The following SHANK2 variants were observed in gnomAD, a reference collection of about 807,000 sequenced individuals.
SHANK2 encodes the protein SH3 and multiple ankyrin repeat domains 2, also known as SH3 and multiple ankyrin repeat domains protein 2.
In SHANK2, 43 loss-of-function variants were observed where a neutral mutation model predicts 133.7. That is an observed-to-expected ratio of 0.32 (90% confidence interval 0.25 to 0.41). The LOEUF (loss-of-function observed/expected upper bound fraction) is 0.41. SHANK2 is among the 10% of genes least tolerant of loss of function. The pLI, the probability that SHANK2 is intolerant of heterozygous loss-of-function variation, is 1.00. For missense variants in SHANK2, 1,994 were observed against 2,235.8 expected, an observed-to-expected ratio of 0.89 and a Z score of 2.18; for synonymous variants, 1,017 against 952.8, an observed-to-expected ratio of 1.07 and a Z score of -1.24.
chr11:71,089,311 G>A (rs1362807977), intron 8 of SHANK2, among the ~76,000 whole-genome samples: 11 of 152,310 alleles, frequency 7.2e-5, no homozygotes, highest in Admixed American at 3.9e-4. Flanking sequence ...GCAGAGGAAC[G>A]GGGCCATGTC....
At chr11:71,213,827 G>A (rs1381390894) in intron 2 of SHANK2, among the ~76,000 whole-genome samples, 6 of 152,194 alleles carry the variant, frequency 3.9e-5, no homozygotes, top group Admixed American at 1.3e-4. Context: ...GTCTTAGGAC[G>A]TTTTGACATC....
At chr11:71,064,345 C>A (rs1416959260) in intron 9 of SHANK2, among the ~76,000 whole-genome samples, 1 of 152,126 alleles carries the variant, frequency 6.6e-6, no homozygotes, top group African/African-American at 2.4e-5. Context: ...AGCCTGGGGA[C>A]AGCTGGGCGG....
chr11:71,210,252 A>ATATATATATATG (rs1954242919), intron 2 of SHANK2, among the ~76,000 whole-genome samples: 1 of 99,128 alleles, frequency 1.0e-5, no homozygotes, highest in Admixed American at 1.0e-4. Flanking sequence ...ATATATATAT[A>ATATATATATATG]TTTATTTATT....
chr11:70,839,544 C>T (rs1254592976), intron 11 of SHANK2, among the ~76,000 whole-genome samples: 2 of 152,196 alleles, frequency 1.3e-5, no homozygotes, highest in Non-Finnish European at 2.9e-5. Context: ...CCTTCCTGTG[C>T]CACTGGGCTC....
At chr11:70,955,484 CATAT>C (rs1371972929) in intron 10 of SHANK2, among the ~76,000 whole-genome samples, 1 of 149,594 alleles carries the variant, frequency 6.7e-6, no homozygotes, top group Non-Finnish European at 1.5e-5. Context: ...CTTACAAATA[CATAT>C]ATATTTACAC....
rs187083785 is a variant in SHANK2 at position 70,854,139 on chromosome 11, T to C, written c.1175-33457A>G. ...AGAAGGTTTGGATGATTTTCATATG[T>C]ACACGCATTTACCCCTTGCTTTTGT... On this transcript the variant is annotated intron_variant, in intron 11 of 25. Transcript: ENST00000601538. Among the ~76,000 whole-genome samples, 61 of 152,326 alleles carry C rather than the reference T, an allele frequency of 4.0e-4. 1 individual carries two copies. The East Asian group carries it at 6.2e-3, about 15-fold the overall frequency.
At chr11:70,942,305 T>C (rs1243189545) in intron 10 of SHANK2, among the ~76,000 whole-genome samples, 1 of 152,088 alleles carries the variant, frequency 6.6e-6, no homozygotes, top group Admixed American at 6.6e-5. Context: ...CACAACATGG[T>C]AGAGAAGGTC....
At chr11:70,559,964 C>T (rs573940770) in intron 17 of SHANK2, among the ~76,000 whole-genome samples, 21 of 152,204 alleles carry the variant, frequency 1.4e-4, no homozygotes, top group African/African-American at 3.9e-4. Context: ...TTCCGCCTCC[C>T]GGGTTCAAGT....
intron 3 of SHANK2, among the ~76,000 whole-genome samples, chr11:71,138,922 G>A (rs1213466410): frequency 4.6e-5 from 7 of 152,150 alleles, no homozygotes; most frequent in African/African-American, 1.7e-4. Context: ...AGCACAGCGG[G>A]AATGAGAGGG....
At chr11:70,778,420 A>G (rs1371490431) in intron 14 of SHANK2, among the ~76,000 whole-genome samples, 1 of 152,200 alleles carries the variant, frequency 6.6e-6, no homozygotes, top group Admixed American at 6.5e-5. Flanking sequence ...GAAATAGACT[A>G]AATGTGTGTG....
At chr11:70,875,103 A>ACAAT (rs1949536663) in intron 11 of SHANK2, among the ~76,000 whole-genome samples, 1 of 152,164 alleles carries the variant, frequency 6.6e-6, no homozygotes, top group Non-Finnish European at 1.5e-5. Flanking sequence ...TCTTAGACCA[A>ACAAT]CGATTGGGGG....
chr11:70,770,562 G>T (rs1466271442), intron 14 of SHANK2, among the ~76,000 whole-genome samples: 1 of 152,226 alleles, frequency 6.6e-6, no homozygotes, highest in South Asian at 2.1e-4. Flanking sequence ...AGGCCCAGGG[G>T]CCTTCTCTCT....
chr11:71,239,074 A>T (rs1399357412), intron 1 of SHANK2, among the ~76,000 whole-genome samples: 1 of 152,270 alleles, frequency 6.6e-6, no homozygotes, highest in East Asian at 1.9e-4. Flanking sequence ...GGTCTTGAGC[A>T]AGGACTGGCT....
chr11:70,713,970 A>T (rs1324347050), intron 14 of SHANK2, among the ~76,000 whole-genome samples: 1 of 152,134 alleles, frequency 6.6e-6, no homozygotes, highest in East Asian at 1.9e-4. Flanking sequence ...CTTCCTTCCA[A>T]CAAACTGCTT....
intron 6 of SHANK2, among the ~76,000 whole-genome samples, chr11:71,105,695 A>T (rs537510434): frequency 6.6e-6 from 1 of 151,880 alleles, no homozygotes; most frequent in African/African-American, 2.4e-5. Context: ...GATCTTTATG[A>T]TACTGTGACG....
intron 11 of SHANK2, among the ~76,000 whole-genome samples, chr11:70,858,933 T>C (rs1363331719): frequency 2.0e-5 from 3 of 152,224 alleles, no homozygotes; most frequent in African/African-American, 7.2e-5. Flanking sequence ...AAGGCATTCC[T>C]GAGCACTTTG....
chr11:71,163,093 A>T (rs868914812), intron 2 of SHANK2, among the ~76,000 whole-genome samples: 3 of 84,678 alleles, frequency 3.5e-5, no homozygotes, highest in Non-Finnish European at 7.6e-5. Context: ...AAAAAAAAAA[A>T]ATACATATAT....
chr11:70,821,879 G>GGC (rs1221710664), intron 11 of SHANK2, among the ~76,000 whole-genome samples: 1 of 152,162 alleles, frequency 6.6e-6, no homozygotes, highest in Non-Finnish European at 1.5e-5. Context: ...AGGAAGCAGG[G>GGC]GCTGGGCACC....
At chr11:70,509,468 T>G (rs1554968946) in intron 17 of SHANK2, among the ~76,000 whole-genome samples, 1 of 152,256 alleles carries the variant, frequency 6.6e-6, no homozygotes, top group African/African-American at 2.4e-5. Flanking sequence ...CATGGAGCTC[T>G]GCACTCTTCC....
Sources: allele counts gnomAD v4.1 joint callset (sites outside exome capture counted in the v4.1 genomes callset), GRCh38; gene constraint gnomAD v4.1.1; transcripts MANE v1.5; gene names NCBI Gene and HGNC (gene_info 2026-07-23, HGNC 2026-07-21).